Variants in HSF2BP observed in about 807,000 individuals in gnomAD.
The protein encoded by HSF2BP is heat shock transcription factor 2 binding protein.
In HSF2BP, 35 loss-of-function variants were observed where a neutral mutation model predicts 35.0. The observed-to-expected ratio is 1.00, with a 90% CI of 0.76 to 1.32. The LOEUF (loss-of-function observed/expected upper bound fraction) is 1.32, where lower values mean the gene tolerates loss of function less well. Ranked by LOEUF, HSF2BP falls within the 40% of genes most tolerant of loss-of-function variation. The probability of loss-of-function intolerance (pLI) is 0.00; values close to 1 mark genes in which losing one functional copy is unlikely to be tolerated. For synonymous variants in HSF2BP, 114 were observed against 117.4 expected (o/e 0.97, Z 0.18); for missense variants, 326 against 321.7 (o/e 1.01, Z -0.10).
chr21:43,591,907 G>T (rs1404737558), intron 8 of HSF2BP, among the ~76,000 whole-genome samples: 2 of 152,114 alleles, frequency 1.3e-5, no homozygotes, highest in African/African-American at 4.8e-5. Context: ...CAGGTCAACT[G>T]CTGTAGTACC....
Position 43,644,407 on chromosome 21 carries a change from T to C in HSF2BP, c.188-15A>G, listed in dbSNP as rs1272003132. Reference sequence around the variant, plus strand: ...CCTTTCCAGGTCTAGGAGAAAGACATAAAATTACTCAAGATATTTCAAGTC... The same window carrying C: ...CCTTTCCAGGTCTAGGAGAAAGACACAAAATTACTCAAGATATTTCAAGTC... On this transcript the variant is annotated splice_polypyrimidine_tract_variant and intron_variant, in intron 3 of 8. Transcript: ENST00000291560. 1 of 1,594,170 alleles carries C rather than the reference T, an allele frequency of 6.3e-7. No individual in the cohort carries two copies. The highest frequency in any genetic ancestry group is 8.6e-7 in the Non-Finnish European group (1 of 1,161,826).
intron 8 of HSF2BP, among the ~76,000 whole-genome samples, chr21:43,574,081 G>A (rs940705479): frequency 6.6e-5 from 10 of 152,094 alleles, no homozygotes; most frequent in African/African-American, 9.7e-5. Context: ...CCACTGTGGC[G>A]CTCTCACAGG....
chr21:43,632,105 C>A (rs1378477252), intron 5 of HSF2BP, among the ~76,000 whole-genome samples: 1 of 35,422 alleles, frequency 2.8e-5, no homozygotes, highest in Non-Finnish European at 6.1e-5. Context: ...CACGCTCTCC[C>A]CACACACACG....
intron 7 of HSF2BP, among the ~76,000 whole-genome samples, chr21:43,603,868 T>C (rs552124090): frequency 7.2e-5 from 11 of 152,248 alleles, no homozygotes; most frequent in Admixed American, 1.3e-4. Flanking sequence ...CAATGTCCCA[T>C]GTACAACCCT....
At chr21:43,633,865 G>A (rs893616400) in intron 4 of HSF2BP, among the ~76,000 whole-genome samples, 1 of 152,118 alleles carries the variant, frequency 6.6e-6, no homozygotes, top group Non-Finnish European at 1.5e-5. Context: ...TCTGCCAGAG[G>A]CAGACACCAA....
chr21:43,654,008 T>C (rs1310657927), intron 3 of HSF2BP, among the ~76,000 whole-genome samples: 1 of 151,700 alleles, frequency 6.6e-6, no homozygotes, highest in African/African-American at 2.4e-5. Flanking sequence ...GAGGCAGATA[T>C]GACAACAGGA....
intron 7 of HSF2BP, among the ~76,000 whole-genome samples, chr21:43,594,010 T>G (rs2081957120): frequency 6.6e-6 from 1 of 151,694 alleles, no homozygotes; most frequent in African/African-American, 2.4e-5. Flanking sequence ...CTTTAGAAAA[T>G]TAAAGACAAA....
intron 8 of HSF2BP, among the ~76,000 whole-genome samples, chr21:43,576,264 T>C (rs2081643082): frequency 6.6e-6 from 1 of 152,222 alleles, no homozygotes; most frequent in Non-Finnish European, 1.5e-5. Context: ...GGTTTCCTAT[T>C]TGTTTTGTGA....
chr21:43,467,622 A>T, the HSF2BP span, among the ~76,000 whole-genome samples: 1 of 151,314 alleles, frequency 6.6e-6, no homozygotes, highest in Admixed American at 6.6e-5. Context: ...CTAGAGAGTA[A>T]ATGCACAGGG....
At chr21:43,650,730 T>TG (rs2082774149) in intron 3 of HSF2BP, among the ~76,000 whole-genome samples, 1 of 138,136 alleles carries the variant, frequency 7.2e-6, no homozygotes, top group Admixed American at 7.8e-5. Flanking sequence ...TTTTTTGAGA[T>TG]GGAGTCTCAC....
At chr21:43,506,109 C>T in the HSF2BP span, among the ~76,000 whole-genome samples, 10 of 133,436 alleles carry the variant, frequency 7.5e-5, 1 homozygote, top group East Asian at 1.7e-3. Context: ...CCGAGTGTGC[C>T]GGCTCTTCCT....
chr21:43,592,310 TAGG>T lies in HSF2BP; in HGVS notation c.708_710del (p.Leu237del). The T allele has an allele frequency of 6.2e-7, 1 of 1,612,174 alleles. No individual in the cohort carries two copies. The highest frequency in any genetic ancestry group is 8.5e-7 in the Non-Finnish European group (1 of 1,178,238). On this transcript the variant is annotated inframe_deletion, in exon 8 of 9. Transcript: ENST00000291560. ...CTTTCAAATTGATGCTTACATTGTA[TAGG>T]GACATCAGCATTAGCCTGAAATGTA...
At chr21:43,619,409 A>G (rs1341862118) in intron 6 of HSF2BP, among the ~76,000 whole-genome samples, 1 of 152,216 alleles carries the variant, frequency 6.6e-6, no homozygotes, top group Non-Finnish European at 1.5e-5. Context: ...AGTTGGCTTC[A>G]CTGCCTCCCA....
intron 6 of HSF2BP, among the ~76,000 whole-genome samples, chr21:43,619,936 G>A (rs958042071): frequency 7.2e-5 from 11 of 152,218 alleles, no homozygotes; most frequent in Non-Finnish European, 1.3e-4. Flanking sequence ...TTCCCACACT[G>A]CCGGGTTATC....
At chr21:43,612,613 T>C (rs2082221500) in intron 7 of HSF2BP, among the ~76,000 whole-genome samples, 1 of 132,720 alleles carries the variant, frequency 7.5e-6, no homozygotes, top group South Asian at 2.4e-4. Flanking sequence ...ATCACGCCAC[T>C]GCACTCCAGC....
chr21:43,619,769 G>A (rs1490276327), intron 6 of HSF2BP, among the ~76,000 whole-genome samples: 2 of 152,250 alleles, frequency 1.3e-5, no homozygotes, highest in Non-Finnish European at 2.9e-5. Flanking sequence ...AGGATAGCCA[G>A]AGGCAAAGTG....
chr21:43,658,118 G>A lies in HSF2BP; in HGVS notation c.-22C>T. 1 of 1,522,246 alleles carries A rather than the reference G, an allele frequency of 6.6e-7. No homozygotes were observed. Among genetic ancestry groups the A allele is most frequent in the Non-Finnish European group, 8.8e-7 (1 of 1,138,826 alleles). The allele number at this position is 1,522,246 out of a possible 1,614,324, so 94.3% of individuals were successfully genotyped here. A position where few individuals can be genotyped will look rare whatever the true frequency, so the allele number is the denominator to read the frequency against. Reference sequence around the variant, plus strand: ...CCATGGCCGCTGCCGCCTCCGCTCCGTTCGCCTGAGCGTCGGCGCGCCCTC... The same window carrying A: ...CCATGGCCGCTGCCGCCTCCGCTCCATTCGCCTGAGCGTCGGCGCGCCCTC... On this transcript the variant is annotated 5_prime_UTR_variant, in exon 2 of 9. The change creates a new upstream start codon in the 5' untranslated region. Coordinates refer to ENST00000291560, the MANE Select transcript of HSF2BP (RefSeq NM_007031.2).
chr21:43,653,586 G>A (rs189849984), intron 3 of HSF2BP, among the ~76,000 whole-genome samples: 350 of 152,306 alleles, frequency 2.3e-3, no homozygotes, highest in Non-Finnish European at 3.7e-3. Context: ...GCCGTAGTAT[G>A]GTTTTGCTTA....
At chr21:43,644,860 T>C (rs2082687803) in intron 3 of HSF2BP, among the ~76,000 whole-genome samples, 1 of 152,114 alleles carries the variant, frequency 6.6e-6, no homozygotes, top group African/African-American at 2.4e-5. Context: ...ACTGCAGTAG[T>C]AGGCACTGGA....
Sources: gnomAD v4.1 joint callset for allele counts (sites outside exome capture counted in the v4.1 genomes callset) on GRCh38, gnomAD v4.1.1 for gene constraint, MANE v1.5 for transcripts, NCBI Gene and HGNC (gene_info 2026-07-23, HGNC 2026-07-21) for gene names.